YTHDF2: variants seen among roughly 807,000 people sequenced by gnomAD.
YTHDF2 encodes the protein YTH domain-containing family protein 2.
Under a neutral mutation model 50.4 loss-of-function variants are expected in YTHDF2, and 2 were observed. The observed-to-expected ratio is 0.04, with a 90% CI of 0.02 to 0.12. The LOEUF (loss-of-function observed/expected upper bound fraction) is 0.12. Ranked by LOEUF, YTHDF2 falls within the 10% of genes least tolerant of loss-of-function variation. The pLI is 1.00. For missense variants in YTHDF2, 483 were observed against 722.6 expected, an observed-to-expected ratio of 0.67 and a Z score of 3.80; for synonymous variants, 217 against 255.6, an observed-to-expected ratio of 0.85 and a Z score of 1.44.
chr1:28,736,703 G>C (rs1005348358), upstream of YTHDF2: 3 of 226,804 alleles, frequency 1.3e-5, no homozygotes, highest in Non-Finnish European at 1.8e-5. Flanking sequence ...GGGGCGGTGG[G>C]GGCGGGGAGG....
In YTHDF2 at chr1:28,742,978, A is replaced by T; in HGVS notation, c.708A>T (p.Pro236=). The change falls in exon 4 of 5, where the codon CCA becomes CCT. Residue 236 remains proline (P), a synonymous_variant. Coordinates refer to ENST00000373812, the MANE Select transcript of YTHDF2 (RefSeq NM_016258.3). The part of the protein sequence containing the change: ...LPPATIAPPK[P]ASWADIASKP... ...CAGCCACCATTGCTCCTCCAAAACC[A>T]GCATCTTGGGCTGATATTGCTAGCA... 6.2e-7 allele frequency: 1 copy of T among 1,614,180 alleles called. No homozygotes were observed.
At chr1:28,767,348 T>A (rs915399730) in intron 4 of YTHDF2, among the ~76,000 whole-genome samples, 1 of 152,178 alleles carries the variant, frequency 6.6e-6, no homozygotes, top group African/African-American at 2.4e-5. Flanking sequence ...GTATGCCAAC[T>A]AACTTAAATA....
At chr1:28,767,601 C>A (rs182919295) in intron 4 of YTHDF2, among the ~76,000 whole-genome samples, 1 of 152,022 alleles carries the variant, frequency 6.6e-6, no homozygotes, top group Non-Finnish European at 1.5e-5. Flanking sequence ...CTCCGCCTTC[C>A]GGGTTCACGC....
intron 4 of YTHDF2, among the ~76,000 whole-genome samples, chr1:28,748,534 T>G (rs1314673305): frequency 1.3e-5 from 2 of 152,226 alleles, no homozygotes; most frequent in East Asian, 3.8e-4. Flanking sequence ...CAGAACACAC[T>G]GAAGCAGAGC....
intron 3 of YTHDF2, chr1:28,740,262 A>G (rs1020258398): frequency 2.6e-5 from 4 of 152,242 alleles, no homozygotes; most frequent in African/African-American, 9.6e-5. Flanking sequence ...GCATAATTCT[A>G]GGTAGTTCTT....
rs780424145 is a variant in YTHDF2 at position 28,742,856 on chromosome 1, A to G, written c.586A>G (p.Ser196Gly). The change falls in exon 4 of 5, where the codon AGC becomes GGC. Residue 196 changes from serine (S) to glycine (G), a missense_variant. By Grantham distance (56) the Ser-to-Gly change is moderately conservative (BLOSUM62 0). Coordinates refer to ENST00000373812, the MANE Select transcript of YTHDF2 (RefSeq NM_016258.3). ...DQGMAALKLG[S>G]TEVASNVPKV... is the part of the protein sequence containing the mutation. ...AGGGATGGCAGCACTGAAGTTGGGTAGCACAGAAGTTGCAAGCAATGTTCC... is the reference window on the plus strand; with the variant it reads ...AGGGATGGCAGCACTGAAGTTGGGTGGCACAGAAGTTGCAAGCAATGTTCC... The G allele has an allele frequency of 6.2e-7, 1 of 1,614,218 alleles. No individual in the cohort carries two copies. Among genetic ancestry groups the G allele is most frequent in the South Asian group, 1.1e-5 (1 of 91,084 alleles).
chr1:28,747,609 G>C (rs79131043), intron 4 of YTHDF2, among the ~76,000 whole-genome samples: 8,107 of 145,782 alleles, frequency 0.056, 770 homozygotes, highest in African/African-American at 0.2. Flanking sequence ...CTGGAGTGCA[G>C]GGGTTTCACT....
chr1:28,738,131 C>A, intron 2 of YTHDF2, 128 bp from the exon 3 acceptor site: 1 of 705,288 alleles, frequency 1.4e-6, no homozygotes, highest in South Asian at 1.8e-5. Context: ...TCATCTCTTA[C>A]CCTTTTGAAG....
intron 4 of YTHDF2, among the ~76,000 whole-genome samples, chr1:28,760,271 TTG>T (rs28969505): frequency 0.13 from 18,947 of 146,972 alleles, 1,557 homozygotes; most frequent in East Asian, 0.42. Context: ...ACATAGTAGG[TTG>T]TGTGTGTGTG....
intron 4 of YTHDF2, among the ~76,000 whole-genome samples, chr1:28,766,829 T>A (rs2088226444): frequency 6.6e-6 from 1 of 151,214 alleles, no homozygotes; most frequent in Non-Finnish European, 1.5e-5. Flanking sequence ...TCTATACTTT[T>A]CCTTCTCTTT....
rs1385839841 is a variant in YTHDF2, at chr1:28,769,725, C to T, written c.*773C>T. ...CCAATGAGGAAAGGGCATTGCCTTT[C>T]TTTTTACCATTAATCACTTCTCAAT... On this transcript the variant is annotated 3_prime_UTR_variant, in exon 5 of 5. Coordinates refer to ENST00000373812, the MANE Select transcript of YTHDF2 (RefSeq NM_016258.3). 1 of 152,588 alleles carries T rather than the reference C, an allele frequency of 6.6e-6. No homozygotes were observed. The highest frequency in any genetic ancestry group is 2.4e-5 in the African/African-American group (1 of 41,448). 9.5% of individuals were successfully genotyped at this position (152,588 alleles called of 1,614,324 possible). A position where few individuals can be genotyped will look rare whatever the true frequency, so the allele number is the denominator to read the frequency against.
chr1:28,737,524 C>G (rs61787567), intron 1 of YTHDF2, 134 bp from the exon 2 acceptor site: 3 of 1,238,094 alleles, frequency 2.4e-6, no homozygotes, highest in Non-Finnish European at 3.4e-6. Flanking sequence ...CAGCCTCTTC[C>G]TCACTACCAT....
At chr1:28,746,685 G>T (rs115557000) in intron 4 of YTHDF2, among the ~76,000 whole-genome samples, 13 of 151,976 alleles carry the variant, frequency 8.6e-5, no homozygotes, top group Non-Finnish European at 1.5e-4. Flanking sequence ...TCTTGGACCC[G>T]GGAGGCAGGG....
chr1:28,758,127 C>T (rs1314597760), intron 4 of YTHDF2, among the ~76,000 whole-genome samples: 3 of 151,896 alleles, frequency 2.0e-5, no homozygotes, highest in Non-Finnish European at 4.4e-5. Context: ...GCTAACTGGC[C>T]GGGTGTGGTG....
chr1:28,742,568 C>T lies in YTHDF2; in HGVS notation c.298C>T (p.Leu100=), dbSNP rs749602577. 3.7e-6 allele frequency: 6 copies of T among 1,614,060 alleles called. No homozygotes were observed. Among genetic ancestry groups the T allele is most frequent in the East Asian group, 2.2e-5 (1 of 44,892 alleles). Residue 100 remains leucine, a synonymous_variant, in exon 4 of 5, where the codon CTA becomes TTA. Transcript: ENST00000373812. ...GQLSNGEPHF[L]PDAMFGQPGA... ...GCTGAGCAACGGAGAGCCCCACTTCCTACCAGATGCAATGTTTGGGCAACC... is the reference window on the plus strand; with the variant it reads ...GCTGAGCAACGGAGAGCCCCACTTCTTACCAGATGCAATGTTTGGGCAACC...
intron 4 of YTHDF2, among the ~76,000 whole-genome samples, chr1:28,746,839 T>C (rs746162060): frequency 1.3e-5 from 2 of 152,198 alleles, no homozygotes; most frequent in Non-Finnish European, 2.9e-5. Context: ...CCCAGCACTT[T>C]GGGAGGCCGA....
chr1:28,737,076 T>A lies in YTHDF2; in HGVS notation c.-45T>A. The A allele has an allele frequency of 1.3e-5, 21 of 1,575,674 alleles. No homozygotes were observed. The highest frequency in any genetic ancestry group is 1.8e-5 in the Non-Finnish European group (21 of 1,162,724). On this transcript the variant is annotated 5_prime_UTR_variant, in exon 1 of 5. Transcript: ENST00000373812. ...GGCTCATCTGCCGCCGCCGCCGCGC[T>A]GAGGAGAGTTCGCCGCCGTCGCCGC...
intron 4 of YTHDF2, among the ~76,000 whole-genome samples, chr1:28,753,975 G>A (rs1479116818): frequency 6.6e-6 from 1 of 152,082 alleles, no homozygotes; most frequent in Non-Finnish European, 1.5e-5. Flanking sequence ...CCAAAGTGCT[G>A]GGATCACAGG....
intron 4 of YTHDF2, among the ~76,000 whole-genome samples, chr1:28,755,773 C>T (rs935381741): frequency 5.3e-5 from 8 of 152,260 alleles, no homozygotes; most frequent in Admixed American, 5.2e-4. Context: ...AAACTGAGTG[C>T]ACACATGACA....
Sources: allele counts gnomAD v4.1 joint callset (sites outside exome capture counted in the v4.1 genomes callset), GRCh38; gene constraint gnomAD v4.1.1; transcripts MANE v1.5; gene names NCBI Gene and HGNC (gene_info 2026-07-23, HGNC 2026-07-21).